RCAN2: variants seen among roughly 807,000 people sequenced by gnomAD.
The protein encoded by RCAN2 is calcipressin-2.
A neutral mutation model predicts 23.6 loss-of-function variants in RCAN2; 9 were observed. The ratio of observed to expected loss-of-function variants is 0.38; its 90% confidence interval spans 0.23 to 0.67. RCAN2 has a LOEUF of 0.67. Ranked by LOEUF, RCAN2 falls within the 30% of genes least tolerant of loss-of-function variation. The probability of loss-of-function intolerance (pLI) is 0.51; values close to 1 mark genes in which losing one functional copy is unlikely to be tolerated. For synonymous variants in RCAN2, 109 were observed against 115.7 expected, an observed-to-expected ratio of 0.94 and a Z score of 0.37; for missense variants, 273 against 302.3, an observed-to-expected ratio of 0.90 and a Z score of 0.72.
At chr6:46,260,039 G>A (rs1397301075) in intron 2 of RCAN2, among the ~76,000 whole-genome samples, 3 of 152,234 alleles carry the variant, frequency 2.0e-5, no homozygotes, top group East Asian at 1.9e-4. Context: ...TTATGAAGGC[G>A]TCCTTACACA....
chr6:46,405,616 CAG>C (rs1766375966), intron 2 of RCAN2, among the ~76,000 whole-genome samples: 1 of 152,200 alleles, frequency 6.6e-6, no homozygotes, highest in African/African-American at 2.4e-5. Context: ...GAGCTAAACA[CAG>C]GGTGCTGATT....
At chr6:46,261,693 C>G (rs1248053939) in intron 2 of RCAN2, among the ~76,000 whole-genome samples, 1 of 152,078 alleles carries the variant, frequency 6.6e-6, no homozygotes, top group East Asian at 1.9e-4. Flanking sequence ...ATAGGAATGT[C>G]AGCAAAATGT....
At chr6:46,226,680 T>C (rs1362705295) in intron 4 of RCAN2, among the ~76,000 whole-genome samples, 1 of 152,224 alleles carries the variant, frequency 6.6e-6, no homozygotes, top group Non-Finnish European at 1.5e-5. Context: ...TTAAGGGGAT[T>C]TTGGGCTGAG....
intron 1 of RCAN2, among the ~76,000 whole-genome samples, chr6:46,484,257 T>A (rs1768938658): frequency 6.6e-6 from 1 of 152,230 alleles, no homozygotes; most frequent in African/African-American, 2.4e-5. Flanking sequence ...GAGCCTTTTT[T>A]TCTTTGAAAA....
At chr6:46,328,966 A>G (rs1181796480) in intron 2 of RCAN2, among the ~76,000 whole-genome samples, 1 of 152,162 alleles carries the variant, frequency 6.6e-6, no homozygotes, top group Middle Eastern at 3.2e-3. Context: ...TGTCTAGAAT[A>G]TAGATACACT....
chr6:46,273,194 A>T (rs1396107103), intron 2 of RCAN2, among the ~76,000 whole-genome samples: 5 of 152,184 alleles, frequency 3.3e-5, no homozygotes, highest in Non-Finnish European at 5.9e-5. Context: ...GCCCTTCCTG[A>T]TGGACCAACA....
chr6:46,242,238 T>C (rs947402090), intron 4 of RCAN2, among the ~76,000 whole-genome samples: 1 of 152,250 alleles, frequency 6.6e-6, no homozygotes, highest in African/African-American at 2.4e-5. Context: ...TTTTCAGGAA[T>C]TGGACTTGTC....
chr6:46,374,296 A>G (rs1165009614), intron 2 of RCAN2, among the ~76,000 whole-genome samples: 2 of 152,168 alleles, frequency 1.3e-5, no homozygotes, highest in East Asian at 1.9e-4. Flanking sequence ...AAATCCTTCA[A>G]TCTTCCTAGA....
At chr6:46,315,626 T>C (rs1057068036) in intron 2 of RCAN2, among the ~76,000 whole-genome samples, 188 of 152,124 alleles carry the variant, frequency 1.2e-3, no homozygotes, top group African/African-American at 4.2e-3. Flanking sequence ...TGATGGGCCT[T>C]GAGGGCCACA....
intron 4 of RCAN2, among the ~76,000 whole-genome samples, chr6:46,235,317 C>A (rs928956451): frequency 6.6e-5 from 10 of 152,126 alleles, no homozygotes; most frequent in African/African-American, 2.4e-4. Context: ...ATGTGTACTG[C>A]CAAGCAATAG....
At chr6:46,459,412 A>G (rs1232716396) in intron 1 of RCAN2, among the ~76,000 whole-genome samples, 19 of 152,222 alleles carry the variant, frequency 1.2e-4, no homozygotes. Context: ...AATTAATTAA[A>G]TAGATCAAAT....
At chr6:46,245,107 T>C (rs1170743638) in intron 4 of RCAN2, among the ~76,000 whole-genome samples, 1 of 152,190 alleles carries the variant, frequency 6.6e-6, no homozygotes, top group Non-Finnish European at 1.5e-5. Context: ...GAACCAGACG[T>C]TTAATGAAAT....
intron 2 of RCAN2, among the ~76,000 whole-genome samples, chr6:46,263,651 A>G (rs1248818953): frequency 1.3e-5 from 2 of 151,120 alleles, no homozygotes; most frequent in Admixed American, 6.6e-5. Flanking sequence ...ATAAGTGGCA[A>G]TGGAAGACTT....
intron 2 of RCAN2, among the ~76,000 whole-genome samples, chr6:46,303,531 T>C (rs1314487891): frequency 1.3e-5 from 2 of 152,064 alleles, no homozygotes; most frequent in Non-Finnish European, 2.9e-5. Flanking sequence ...AATTTTATGT[T>C]CTCAATCTTG....
At chr6:46,409,070 A>G (rs866342112) in intron 2 of RCAN2, among the ~76,000 whole-genome samples, 1 of 152,222 alleles carries the variant, frequency 6.6e-6, no homozygotes, top group Non-Finnish European at 1.5e-5. Flanking sequence ...TAGATTCCAT[A>G]TATACTGATT....
intron 2 of RCAN2, among the ~76,000 whole-genome samples, chr6:46,360,835 A>T (rs1764990128): frequency 6.6e-6 from 1 of 152,210 alleles, no homozygotes; most frequent in South Asian, 2.1e-4. Context: ...TTACTTGTTG[A>T]TAATGGAGAG....
intron 4 of RCAN2, among the ~76,000 whole-genome samples, chr6:46,225,054 T>C (rs895233145): frequency 1.1e-4 from 17 of 152,238 alleles, no homozygotes; most frequent in Non-Finnish European, 1.6e-4. Context: ...GTCCTTGTGA[T>C]AGTTTGCTGA....
intron 2 of RCAN2, among the ~76,000 whole-genome samples, chr6:46,354,310 T>G (rs983463214): frequency 5.3e-5 from 8 of 151,424 alleles, no homozygotes; most frequent in Non-Finnish European, 5.9e-5. Flanking sequence ...TCGGCAGAAG[T>G]TTTCAACTCT....
At chr6:46,475,751 C>T (rs1378140917) in intron 1 of RCAN2, among the ~76,000 whole-genome samples, 1 of 152,136 alleles carries the variant, frequency 6.6e-6, no homozygotes, top group African/African-American at 2.4e-5. Flanking sequence ...TGATCTAATA[C>T]TGGAAGTCAG....
Sources: allele counts gnomAD v4.1 joint callset (sites outside exome capture counted in the v4.1 genomes callset), GRCh38; gene constraint gnomAD v4.1.1; transcripts MANE v1.5; gene names NCBI Gene and HGNC (gene_info 2026-07-23, HGNC 2026-07-21).